The following PRORP variants were observed in gnomAD, a reference collection of about 807,000 sequenced individuals.
PRORP encodes the protein protein only RNase P catalytic subunit, also known as mitochondrial ribonuclease P catalytic subunit.
A neutral mutation model predicts 59.4 loss-of-function variants in PRORP; 51 were observed. That is an observed-to-expected ratio of 0.86 (90% CI 0.69 to 1.08). PRORP has a LOEUF of 1.08. Among genes scored for constraint, PRORP ranks in the 50% least tolerant of loss-of-function variants. The pLI is 0.00. For missense variants in PRORP, 646 were observed against 690.3 expected (o/e 0.94, Z 0.72); for synonymous variants, 231 against 245.6 (o/e 0.94, Z 0.55).
chr14:35,240,747 C>G (rs1202838705), intron 5 of PRORP, among the ~76,000 whole-genome samples: 1 of 152,176 alleles, frequency 6.6e-6, no homozygotes, highest in African/African-American at 2.4e-5. Flanking sequence ...TTGATTAAAT[C>G]AACAAATTCT....
chr14:35,225,721 C>T (rs2049917407), intron 5 of PRORP, among the ~76,000 whole-genome samples: 1 of 151,964 alleles, frequency 6.6e-6, no homozygotes, highest in South Asian at 2.1e-4. Flanking sequence ...ACTGTACAAC[C>T]TGTCTAATCT....
chr14:35,215,986 T>C, intron 5 of PRORP, among the ~76,000 whole-genome samples: 1 of 149,250 alleles, frequency 6.7e-6, no homozygotes, highest in Admixed American at 6.8e-5. Context: ...AGCCTGGTCT[T>C]GAACTCCTGA....
At chr14:35,149,276 A>G (rs1566457107) in intron 4 of PRORP, among the ~76,000 whole-genome samples, 1 of 151,268 alleles carries the variant, frequency 6.6e-6, no homozygotes, top group Non-Finnish European at 1.5e-5. Context: ...GTGTGGTGCT[A>G]TGATCATAGT....
At chr14:35,214,473 T>A (rs1452210380) in intron 5 of PRORP, among the ~76,000 whole-genome samples, 1 of 152,230 alleles carries the variant, frequency 6.6e-6, no homozygotes, top group African/African-American at 2.4e-5. Flanking sequence ...AGATGTATTA[T>A]TAGTAGACAA....
intron 5 of PRORP, among the ~76,000 whole-genome samples, chr14:35,207,408 C>T (rs1244349656): frequency 6.6e-6 from 1 of 152,186 alleles, no homozygotes; most frequent in African/African-American, 2.4e-5. Context: ...ACTACAAATA[C>T]ATTGTTGTCC....
At chr14:35,224,293 C>T (rs901570068) in intron 5 of PRORP, among the ~76,000 whole-genome samples, 1 of 152,124 alleles carries the variant, frequency 6.6e-6, no homozygotes, top group Admixed American at 6.5e-5. Context: ...TGTCTTAAAT[C>T]AGATAAGTAT....
At chr14:35,131,510 T>G (rs918235114) in intron 4 of PRORP, among the ~76,000 whole-genome samples, 1 of 147,594 alleles carries the variant, frequency 6.8e-6, no homozygotes, top group East Asian at 2.0e-4. Flanking sequence ...TGTTATTTGT[T>G]TTTTTCTCTA....
At chr14:35,241,041 A>G (rs2050352924) in intron 5 of PRORP, among the ~76,000 whole-genome samples, 1 of 152,160 alleles carries the variant, frequency 6.6e-6, no homozygotes. Context: ...TAGCATTCAC[A>G]TTATATTAAC....
chr14:35,152,751 C>T (rs530565653), intron 4 of PRORP, among the ~76,000 whole-genome samples: 272 of 151,496 alleles, frequency 1.8e-3, no homozygotes, highest in African/African-American at 6.3e-3. Flanking sequence ...ACCTCCCAGA[C>T]GGGGTGGCGG....
At chr14:35,182,008 A>C (rs2048623051) in intron 5 of PRORP, among the ~76,000 whole-genome samples, 1 of 152,250 alleles carries the variant, frequency 6.6e-6, no homozygotes, top group East Asian at 1.9e-4. Context: ...TCACACCTGT[A>C]ATCCCAGCAC....
Position 35,203,876 on chromosome 14 carries a change from T to C in PRORP, c.1275+23099T>C, listed in dbSNP as rs187833905. On this transcript the variant is annotated intron_variant, in intron 5 of 7. Coordinates refer to ENST00000534898, the MANE Select transcript of PRORP (RefSeq NM_014672.4). ...AGACTCCATCTCGAAAAAAAAGATA[T>C]TCTTTTGATAGAACCAATCATTTTA... 1.4e-3 allele frequency among the ~76,000 whole-genome samples: 217 copies of C among 152,246 alleles called. 1 individual carries two copies. Among genetic ancestry groups the C allele is most frequent in the Middle Eastern group, 6.8e-3 (2 of 294 alleles).
At position 35,123,095 on chromosome 14, in the gene PRORP, A is replaced by T. The variant is rs1245436242; in HGVS notation, c.-151A>T. 21 of 791,050 alleles carry T rather than the reference A, an allele frequency of 2.7e-5. No individual in the cohort carries two copies. The highest frequency in any genetic ancestry group is 3.8e-4 in the Middle Eastern group (1 of 2,654). 49.0% of individuals were successfully genotyped at this position (791,050 alleles called of 1,614,324 possible). A position where few individuals can be genotyped will look rare whatever the true frequency, so the allele number is the denominator to read the frequency against. On this transcript the variant is annotated 5_prime_UTR_variant, in exon 2 of 8. Coordinates refer to ENST00000534898, the MANE Select transcript of PRORP (RefSeq NM_014672.4). ...TGCTTTTAAGTAGCCCCAAAAGCAG[A>T]ACCTTGATTTGTCTGTAAGGAAGAA...
intron 5 of PRORP, among the ~76,000 whole-genome samples, chr14:35,204,661 A>G (rs181303719): frequency 3.2e-4 from 48 of 152,302 alleles, no homozygotes; most frequent in Non-Finnish European, 4.4e-5. Context: ...AAAAAGATAA[A>G]TATCTGTAGC....
chr14:35,155,479 C>A (rs914789940), intron 4 of PRORP, among the ~76,000 whole-genome samples: 1 of 147,240 alleles, frequency 6.8e-6, no homozygotes. Context: ...CCCAGCACTT[C>A]GGGAAGCTGA....
At chr14:35,168,750 G>A (rs7145488) in intron 4 of PRORP, among the ~76,000 whole-genome samples, 9,457 of 152,196 alleles carry the variant, frequency 0.062, 492 homozygotes, top group African/African-American at 0.14. Flanking sequence ...CAAGGGCATT[G>A]TATCAAGGAC....
At chr14:35,183,884 A>G (rs1459072950) in intron 5 of PRORP, among the ~76,000 whole-genome samples, 1 of 152,184 alleles carries the variant, frequency 6.6e-6, no homozygotes, top group African/African-American at 2.4e-5. Context: ...AGTTCCAGAA[A>G]GGGAATATTC....
intron 5 of PRORP, among the ~76,000 whole-genome samples, chr14:35,199,567 G>A (rs2049097059): frequency 1.3e-5 from 2 of 152,142 alleles, no homozygotes; most frequent in Non-Finnish European, 2.9e-5. Flanking sequence ...GCCTCACTGT[G>A]TGAGGACACA....
At chr14:35,255,189 G>T (rs551817306) in intron 5 of PRORP, among the ~76,000 whole-genome samples, 1 of 152,212 alleles carries the variant, frequency 6.6e-6, no homozygotes, top group Admixed American at 6.5e-5. Context: ...GTGCAGTGGC[G>T]TGATCTCGGC....
At position 35,132,944 on chromosome 14, in the gene PRORP, C is replaced by T. The variant is rs148187929; in HGVS notation, c.1167+5333C>T. Among the ~76,000 whole-genome samples, 1,105 of 151,342 alleles carry T rather than the reference C, an allele frequency of 7.3e-3. 6 individuals carry two copies. Among genetic ancestry groups the T allele is most frequent in the Admixed American group, 9.5e-3 (144 of 15,238 alleles). On this transcript the variant is annotated intron_variant, in intron 4 of 7. Transcript: ENST00000534898. ...TTTGTTTTGTTTTGTTTTTTTGAGA[C>T]GGAGTGTTGTTCTGTTGCCCAGGCT...
Sources: allele counts gnomAD v4.1 joint callset (sites outside exome capture counted in the v4.1 genomes callset), GRCh38; gene constraint gnomAD v4.1.1; transcripts MANE v1.5; gene names NCBI Gene and HGNC (gene_info 2026-07-23, HGNC 2026-07-21).